Variants in NFS1 observed in about 807,000 individuals in gnomAD.
NFS1 encodes the protein cysteine desulfurase.
NFS1 carries 26 observed loss-of-function variants against 57.3 expected under a neutral mutation model. That is an observed-to-expected ratio of 0.45 (90% CI 0.33 to 0.63). The LOEUF is 0.63. Ranked by LOEUF, NFS1 falls within the 20% of genes least tolerant of loss-of-function variation. The probability of loss-of-function intolerance (pLI) is 0.02; values close to 1 mark genes in which losing one functional copy is unlikely to be tolerated. For missense variants in NFS1, 505 were observed against 605.8 expected (o/e 0.83, Z 1.75); for synonymous variants, 209 against 216.3 (o/e 0.97, Z 0.30).
At chr20:35,671,383 G>A (rs1383816129) in intron 12 of NFS1, among the ~76,000 whole-genome samples, 1 of 152,176 alleles carries the variant, frequency 6.6e-6, no homozygotes, top group Non-Finnish European at 1.5e-5. Context: ...TTACAGGCGT[G>A]AGCCACCGTG....
In NFS1 at chr20:35,669,488, G is replaced by C. The variant is rs2034617536; in HGVS notation, c.*134C>G. 5 of 744,072 alleles carry C rather than the reference G, an allele frequency of 6.7e-6. No homozygotes were observed. Among genetic ancestry groups the C allele is most frequent in the South Asian group, 1.6e-5 (1 of 61,018 alleles). 46.1% of individuals were successfully genotyped at this position (744,072 alleles called of 1,614,324 possible). On this transcript the variant is annotated 3_prime_UTR_variant, in exon 13 of 13. Coordinates refer to ENST00000374092, the MANE Select transcript of NFS1 (RefSeq NM_021100.5). ...ACAGTTTTCTTGTGTTTCTGTCATA[G>C]AGGTGGACTGATGCTGAAGTCAACT...
Position 35,674,852 on chromosome 20 carries a change from C to T in NFS1, c.948+193G>A. The T allele has an allele frequency of 4.1e-6, 3 of 739,138 alleles. No individual in the cohort carries two copies. The South Asian group carries it at 5.4e-5, about 13-fold the overall frequency. 45.8% of individuals were successfully genotyped at this position (739,138 alleles called of 1,614,324 possible). A position where few individuals can be genotyped will look rare whatever the true frequency, so the allele number is the denominator to read the frequency against. ...TATCCAGAAATAAATGAGCTGATAA[C>T]TACTAAAAGGCCATGGGTTTTGAAG... On this transcript the variant is annotated intron_variant, in intron 8 of 12. Coordinates refer to ENST00000374092, the MANE Select transcript of NFS1 (RefSeq NM_021100.5).
chr20:35,688,525 C>T (rs906858694), intron 5 of NFS1, among the ~76,000 whole-genome samples: 1 of 152,120 alleles, frequency 6.6e-6, no homozygotes, highest in African/African-American at 2.4e-5. Context: ...CCACTGCATT[C>T]CAGCCTGGGA....
intron 1 of NFS1, chr20:35,698,971 C>T: frequency 7.6e-7 from 1 of 1,320,580 alleles, no homozygotes; most frequent in Non-Finnish European, 9.6e-7. Context: ...GAAGGACGCG[C>T]CTCCACGGCT....
intron 10 of NFS1, 77 bp from the exon 11 acceptor site, chr20:35,673,761 C>A: frequency 8.3e-7 from 1 of 1,209,290 alleles, no homozygotes; most frequent in Non-Finnish European, 1.2e-6. Context: ...GTCTTGTTCC[C>A]ATCCCCCAGG....
intron 7 of NFS1, among the ~76,000 whole-genome samples, chr20:35,679,807 A>C (rs1330859006): frequency 6.6e-6 from 1 of 152,146 alleles, no homozygotes; most frequent in Non-Finnish European, 1.5e-5. Flanking sequence ...AACCCAAAAA[A>C]GGCCCTCACT....
intron 5 of NFS1, among the ~76,000 whole-genome samples, chr20:35,687,032 C>G (rs920072450): frequency 2.0e-5 from 3 of 152,208 alleles, no homozygotes; most frequent in African/African-American, 7.2e-5. Context: ...CACCAGAGGG[C>G]TCCTTGGTCT....
rs778759434 is a variant in NFS1 at position 35,690,530 on chromosome 20, G to A, written c.444C>T (p.His148=). The A allele has an allele frequency of 2.5e-6, 4 of 1,614,140 alleles. No individual in the cohort carries two copies. The Admixed American group carries it at 5.0e-5, about 20-fold the overall frequency. ...VARFYRSRKK[H]LITTQTEHKC... is the part of the protein sequence containing the mutation. ...TGTGTTCTGTCTGGGTGGTGATCAA[G>A]TGCTTTTTCCGTGACCTGTAGAATC... Residue 148 remains histidine, a synonymous_variant, in exon 5 of 13, where the codon CAC becomes CAT. Transcript: ENST00000374092.
chr20:35,680,831 A>G lies in NFS1; in HGVS notation c.696T>C (p.Asp232=). ...CSSRKVYFHT[D]AAQAVGKIPL... is the part of the protein sequence containing the mutation. ...GGATTTTTCCAACAGCCTGGGCTGC[A>G]TCAGTATGGAAATATACCTTTCTGG... The change falls in exon 7 of 13, where the codon GAT becomes GAC. Residue 232 remains aspartate (D), a synonymous_variant. Transcript: ENST00000374092. The G allele has an allele frequency of 6.3e-7, 1 of 1,580,280 alleles. No individual in the cohort carries two copies. Among genetic ancestry groups the G allele is most frequent in the Admixed American group, 1.8e-5 (1 of 54,672 alleles).
intron 8 of NFS1, 66 bp from the exon 9 acceptor site, chr20:35,674,683 G>T: frequency 8.0e-7 from 1 of 1,255,454 alleles, no homozygotes; most frequent in Non-Finnish European, 1.2e-6. Context: ...AGTTTGAGAA[G>T]CCCTTCTCCT....
At chr20:35,669,801 C>T in intron 12 of NFS1, 116 bp from the exon 13 acceptor site, 1 of 933,556 alleles carries the variant, frequency 1.1e-6, no homozygotes, top group East Asian at 2.5e-5. Context: ...TCCTCTGCCT[C>T]TTGCCCTGGT....
chr20:35,668,463 C>T lies in NFS1; in HGVS notation c.*1159G>A, dbSNP rs1367758909. On this transcript the variant is annotated 3_prime_UTR_variant, in exon 13 of 13. Transcript: ENST00000374092. The stretch of plus-strand genomic sequence containing the variant: ...TGGGTTCAGACCCACAAATGAAAAG[C>T]TCTAGTTACAATGGCCTTCTCTTGG... 1 of 152,178 alleles carries T rather than the reference C, an allele frequency of 6.6e-6. No homozygotes were observed. Among genetic ancestry groups the T allele is most frequent in the Non-Finnish European group, 1.5e-5 (1 of 68,036 alleles). 9.4% of individuals were successfully genotyped at this position (152,178 alleles called of 1,614,324 possible).
At chr20:35,694,625 T>TA (rs1230322273) in intron 4 of NFS1, 1 of 152,092 alleles carries the variant, frequency 6.6e-6, no homozygotes, top group East Asian at 1.9e-4. Flanking sequence ...CATCAGTAAG[T>TA]AAAAATGGTT....
Position 35,688,739 on chromosome 20 carries a change from GAGAGGGAGGGAGGAAA to G in NFS1, c.561+1658_561+1673del, listed in dbSNP as rs374124959. On this transcript the variant is annotated intron_variant, in intron 5 of 12. Transcript: ENST00000374092. ...AAAGAAAGACAGAGGGAGAGAGAGA[GAGAGGGAGGGAGGAAA>G]AGAGGGAGGGAGGGAAAAGAGGGAG... Among the ~76,000 whole-genome samples, 377 of 150,954 alleles carry G rather than the reference GAGAGGGAGGGAGGAAA, an allele frequency of 2.5e-3. 1 individual carries two copies. The highest frequency in any genetic ancestry group is 8.7e-3 in the African/African-American group (356 of 41,100).
At position 35,699,117 on chromosome 20, in the gene NFS1, C is replaced by T; in HGVS notation, c.97+75G>A. On this transcript the variant is annotated intron_variant, in intron 1 of 12. Transcript: ENST00000374092. The surrounding 1 kb of genome is among the most constrained non-coding windows in gnomAD (Gnocchi z 4.4). Reference sequence around the variant, plus strand: ...CTGGGCAGCAGGGTGGACAGGAAGGCTCCGGAATATTCAGTTGCGTCGCCG... The same window carrying T: ...CTGGGCAGCAGGGTGGACAGGAAGGTTCCGGAATATTCAGTTGCGTCGCCG... 6 of 1,358,760 alleles carry T rather than the reference C, an allele frequency of 4.4e-6. No homozygotes were observed. Among genetic ancestry groups the T allele is most frequent in the Non-Finnish European group, 4.7e-6 (5 of 1,061,668 alleles). 84.2% of individuals were successfully genotyped at this position (1,358,760 alleles called of 1,614,324 possible).
intron 5 of NFS1, among the ~76,000 whole-genome samples, chr20:35,683,306 A>AC (rs1296317763): frequency 2.0e-5 from 3 of 151,020 alleles, no homozygotes; most frequent in African/African-American, 7.3e-5. Context: ...AGATGGTGAA[A>AC]CCCCGTCTCT....
chr20:35,683,481 C>CA (rs977622953), intron 5 of NFS1, among the ~76,000 whole-genome samples: 1 of 144,492 alleles, frequency 6.9e-6, no homozygotes, highest in Non-Finnish European at 1.5e-5. Context: ...GACTCCGTCT[C>CA]AAAAAAATTT....
Position 35,668,392 on chromosome 20 carries a change from T to G in NFS1, c.*1230A>C, listed in dbSNP as rs2034601051. The G allele has an allele frequency of 6.6e-6, 1 of 152,266 alleles. No homozygotes were observed. The highest frequency in any genetic ancestry group is 2.4e-5 in the African/African-American group (1 of 41,470). 9.4% of individuals were successfully genotyped at this position (152,266 alleles called of 1,614,324 possible). ...ATTCTTAAAATATGCATAAATGTAC[T>G]CTAACATACTATCTCCTTTTTTAAG... is the stretch of plus-strand genomic sequence containing the variant. On this transcript the variant is annotated 3_prime_UTR_variant, in exon 13 of 13. Transcript: ENST00000374092.
At chr20:35,680,560 G>A (rs1175193421) in intron 7 of NFS1, among the ~76,000 whole-genome samples, 177 bp downstream of exon 7, 1 of 152,208 alleles carries the variant, frequency 6.6e-6, no homozygotes, top group African/African-American at 2.4e-5. Context: ...TAACTGCTAA[G>A]GTCTACAAAC....
Sources: gnomAD v4.1 joint callset for allele counts (sites outside exome capture counted in the v4.1 genomes callset) on GRCh38, gnomAD v4.1.1 for gene constraint, Gnocchi (gnomAD v3.1) non-coding constraint, MANE v1.5 for transcripts, NCBI Gene and HGNC (gene_info 2026-07-23, HGNC 2026-07-21) for gene names.